The following OMA1 variants were observed in gnomAD, a reference collection of about 807,000 sequenced individuals.
OMA1 encodes metalloendopeptidase OMA1, mitochondrial.
OMA1 carries 38 observed loss-of-function variants against 30.9 expected under a neutral mutation model. The ratio of observed to expected loss-of-function variants is 1.23; its 90% confidence interval spans 0.95 to 1.61. OMA1 has a LOEUF of 1.61. Ranked by LOEUF, OMA1 falls within the 40% of genes most tolerant of loss-of-function variation. The pLI is 0.00. For synonymous variants in OMA1, 173 were observed against 121.9 expected (o/e 1.42, Z -2.76); for missense variants, 461 against 349.2 (o/e 1.32, Z -2.55).
intron 1 of OMA1, 58 bp from the exon 2 acceptor site, chr1:58,539,368 A>T (rs747783034): frequency 2.8e-6 from 2 of 708,228 alleles, no homozygotes; most frequent in Non-Finnish European, 4.7e-6. Context: ...CCAAACTGGG[A>T]CTATAACACT....
intron 2 of OMA1, among the ~76,000 whole-genome samples, chr1:58,538,063 T>C (rs1646545955): frequency 6.6e-6 from 1 of 152,196 alleles, no homozygotes; most frequent in Non-Finnish European, 1.5e-5. Flanking sequence ...AAATAGAAGT[T>C]CTTGGTTTTT....
At chr1:58,525,994 C>T (rs138676682) in intron 7 of OMA1, among the ~76,000 whole-genome samples, 2 of 151,826 alleles carry the variant, frequency 1.3e-5, no homozygotes, top group African/African-American at 4.8e-5. Context: ...TATTAGCTAT[C>T]CATAGGGGAA....
chr1:58,518,277 G>GGAGAAGAGAA (rs1278778501), intron 7 of OMA1, among the ~76,000 whole-genome samples: 2 of 2,404 alleles, frequency 8.3e-4, no homozygotes, highest in African/African-American at 4.2e-3. Context: ...AGAGAGGAGA[G>GGAGAAGAGAA]GAGAAGAGAA....
chr1:58,501,043 C>T (rs1001763086), intron 8 of OMA1, among the ~76,000 whole-genome samples: 2 of 151,974 alleles, frequency 1.3e-5, no homozygotes, highest in African/African-American at 4.8e-5. Flanking sequence ...ATTTTTTCAC[C>T]CAAGTTGTTA....
chr1:58,539,914 A>C (rs760882239), intron 1 of OMA1, among the ~76,000 whole-genome samples: 9 of 152,176 alleles, frequency 5.9e-5, no homozygotes, highest in Non-Finnish European at 1.3e-4. Flanking sequence ...AGGACAGAGG[A>C]CAAGAGAAGA....
chr1:58,513,317 G>A (rs1427221641), intron 7 of OMA1, among the ~76,000 whole-genome samples: 1 of 152,108 alleles, frequency 6.6e-6, no homozygotes, highest in Non-Finnish European at 1.5e-5. Context: ...CCCAGCCATG[G>A]AGAACTGTGA....
At chr1:58,535,177 A>C (rs186119453) in intron 3 of OMA1, among the ~76,000 whole-genome samples, 43 of 152,356 alleles carry the variant, frequency 2.8e-4, no homozygotes, top group African/African-American at 9.6e-4. Flanking sequence ...ATGCTGATTA[A>C]GACTAGCCAC....
At chr1:58,501,665 T>C (rs1327933424) in intron 8 of OMA1, among the ~76,000 whole-genome samples, 3 of 152,184 alleles carry the variant, frequency 2.0e-5, no homozygotes, top group African/African-American at 7.2e-5. Flanking sequence ...GAAACCTTCT[T>C]TGACTGCTGA....
chr1:58,522,808 GA>G (rs1265935062), intron 7 of OMA1, among the ~76,000 whole-genome samples: 1 of 152,012 alleles, frequency 6.6e-6, no homozygotes, highest in Non-Finnish European at 1.5e-5. Flanking sequence ...AAACCATAAG[GA>G]AGAGAAAATA....
chr1:58,508,706 G>A (rs904682081), intron 7 of OMA1, among the ~76,000 whole-genome samples: 6 of 151,864 alleles, frequency 4.0e-5, no homozygotes, highest in African/African-American at 9.7e-5. Flanking sequence ...AATCTAAAAC[G>A]CCCTAGATAT....
chr1:58,530,588 G>C lies in OMA1; in HGVS notation c.1140+13C>G, dbSNP rs373209306. The C allele has an allele frequency of 2.3e-6, 2 of 869,804 alleles. No homozygotes were observed. Among genetic ancestry groups the C allele is most frequent in the Non-Finnish European group, 4.0e-6 (2 of 500,076 alleles). 53.9% of individuals were successfully genotyped at this position (869,804 alleles called of 1,614,324 possible). Reference sequence around the variant, plus strand: ...GAGGCTATGATCAATTCAAGTTATTGTCTCAGACTTACCTCCTGCAATTTA... The same window carrying C: ...GAGGCTATGATCAATTCAAGTTATTCTCTCAGACTTACCTCCTGCAATTTA... On this transcript the variant is annotated intron_variant, in intron 6 of 8. Transcript: ENST00000371226.
intron 5 of OMA1, among the ~76,000 whole-genome samples, chr1:58,532,451 G>T (rs952023678): frequency 3.9e-5 from 6 of 152,270 alleles, no homozygotes; most frequent in African/African-American, 1.4e-4. Context: ...GCCATTACTT[G>T]AAAGATATTA....
At chr1:58,490,710 C>G (rs919700570) in intron 8 of OMA1, among the ~76,000 whole-genome samples, 11 of 145,488 alleles carry the variant, frequency 7.6e-5, no homozygotes, top group Non-Finnish European at 1.6e-4. Flanking sequence ...GGGTTACCCA[C>G]AAAGGGAAGC....
At chr1:58,493,843 C>G (rs1020987265) in intron 8 of OMA1, among the ~76,000 whole-genome samples, 2 of 151,802 alleles carry the variant, frequency 1.3e-5, no homozygotes, top group African/African-American at 4.8e-5. Flanking sequence ...CCATACTGCC[C>G]AAGGTAATTT....
chr1:58,545,584 T>C (rs896730094), intron 1 of OMA1, among the ~76,000 whole-genome samples: 2 of 152,210 alleles, frequency 1.3e-5, no homozygotes, highest in African/African-American at 4.8e-5. Context: ...GGCAGACTTC[T>C]AGGATAACAA....
chr1:58,494,162 T>C (rs1029615462), intron 8 of OMA1, among the ~76,000 whole-genome samples: 10 of 152,198 alleles, frequency 6.6e-5, no homozygotes, highest in Non-Finnish European at 1.3e-4. Context: ...AAATAAGAAA[T>C]GGGGAAAGGA....
intron 8 of OMA1, among the ~76,000 whole-genome samples, chr1:58,501,157 T>C (rs1014972885): frequency 6.6e-6 from 1 of 152,192 alleles, no homozygotes. Flanking sequence ...TACAAACCTG[T>C]ATTTATCCTT....
At chr1:58,509,869 T>C (rs1326095108) in intron 7 of OMA1, among the ~76,000 whole-genome samples, 7 of 152,040 alleles carry the variant, frequency 4.6e-5, no homozygotes, top group Non-Finnish European at 8.8e-5. Context: ...TGAACAATTA[T>C]ATGCCCACAA....
At chr1:58,481,284 T>C (rs1645478306) in intron 8 of OMA1, 110 bp from the exon 9 acceptor site, 5 of 429,394 alleles carry the variant, frequency 1.2e-5, no homozygotes, top group Non-Finnish European at 1.6e-5. Context: ...GTATTGTTAT[T>C]TTTTTAATAA....
Sources: gnomAD v4.1 joint callset for allele counts (sites outside exome capture counted in the v4.1 genomes callset) on GRCh38, gnomAD v4.1.1 for gene constraint, MANE v1.5 for transcripts, NCBI Gene and HGNC (gene_info 2026-07-23, HGNC 2026-07-21) for gene names.